Variants in SUCLG2 observed in about 807,000 individuals in gnomAD.
SUCLG2 encodes succinate--CoA ligase [GDP-forming] subunit beta, mitochondrial.
A neutral mutation model predicts 47.9 loss-of-function variants in SUCLG2; 42 were observed. The ratio of observed to expected loss-of-function variants is 0.88; its 90% confidence interval spans 0.69 to 1.14. The LOEUF (loss-of-function observed/expected upper bound fraction) is 1.14, where lower values mean the gene tolerates loss of function less well. Ranked by LOEUF, SUCLG2 falls within the 50% of genes most tolerant of loss-of-function variation. The pLI is 0.00. For missense variants in SUCLG2, 571 were observed against 525.9 expected (o/e 1.09, Z -0.84); for synonymous variants, 195 against 197.3 (o/e 0.99, Z 0.10).
chr3:67,425,794 T>A (rs1703286100), intron 9 of SUCLG2, among the ~76,000 whole-genome samples: 1 of 152,194 alleles, frequency 6.6e-6, no homozygotes, highest in Admixed American at 6.5e-5. Context: ...ATTTGTCCTG[T>A]TTGGTGAACT....
Position 67,518,280 on chromosome 3 carries a change from T to G in SUCLG2, c.627A>C (p.Glu209Asp), listed in dbSNP as rs199517072. The G allele has an allele frequency of 8.4e-5, 135 of 1,612,728 alleles. No homozygotes were observed. The highest frequency in any genetic ancestry group is 1.2e-4 in the Admixed American group (7 of 59,892). ...IKDSQAQRMA[E>D]NLGFVGPLKS... ...TCAAAGGCCCAACGAAGCCTAGATT[T>G]TCGGCCATCCGCTGAGCTTGGCTGT... Residue 209 changes from glutamate to aspartate, a missense_variant, in exon 6 of 11, where the codon GAA (glutamate) becomes GAC (aspartate). Glu to Asp is a conservative substitution (Grantham distance 45). Transcript: ENST00000307227.
chr3:67,466,078 C>G (rs1254566731), intron 9 of SUCLG2, among the ~76,000 whole-genome samples: 1 of 152,148 alleles, frequency 6.6e-6, no homozygotes, highest in East Asian at 1.9e-4. Context: ...ATTGGCCAGG[C>G]ATGGTGGCTC....
chr3:67,396,682 A>C (rs1347082450), intron 10 of SUCLG2, among the ~76,000 whole-genome samples: 1 of 152,204 alleles, frequency 6.6e-6, no homozygotes, highest in African/African-American at 2.4e-5. Flanking sequence ...TGAGGCCAGC[A>C]TCATCCTGAT....
intron 9 of SUCLG2, among the ~76,000 whole-genome samples, chr3:67,482,354 T>C (rs1704940807): frequency 6.6e-6 from 1 of 152,172 alleles, no homozygotes; most frequent in Admixed American, 6.5e-5. Flanking sequence ...TTTCACACTG[T>C]AGGATAAATT....
chr3:67,442,012 C>CTTT (rs540149754), intron 9 of SUCLG2, among the ~76,000 whole-genome samples: 11 of 140,016 alleles, frequency 7.9e-5, no homozygotes, highest in South Asian at 2.3e-4. Context: ...TACTTTCTTT[C>CTTT]TTTTTTTTTT....
intron 5 of SUCLG2, among the ~76,000 whole-genome samples, chr3:67,519,259 G>A (rs1706032027): frequency 6.6e-6 from 1 of 152,148 alleles, no homozygotes; most frequent in Non-Finnish European, 1.5e-5. Flanking sequence ...GCAATGGGAT[G>A]GTGTCCCATC....
intron 10 of SUCLG2, chr3:67,376,236 G>A (rs984979463): frequency 2.0e-6 from 2 of 985,336 alleles, no homozygotes; most frequent in Non-Finnish European, 2.4e-6. Flanking sequence ...TTTGAGAAAG[G>A]AAGTTCCGAG....
chr3:67,482,098 C>T (rs946631077), intron 9 of SUCLG2, among the ~76,000 whole-genome samples: 13 of 152,030 alleles, frequency 8.6e-5, no homozygotes, highest in African/African-American at 2.7e-4. Flanking sequence ...GAGAATCCCT[C>T]GAACCTGGGA....
At chr3:67,584,092 T>A (rs1165586094) in intron 2 of SUCLG2, among the ~76,000 whole-genome samples, 1 of 152,216 alleles carries the variant, frequency 6.6e-6, no homozygotes, top group Non-Finnish European at 1.5e-5. Flanking sequence ...ACATAAAGAC[T>A]TGGACATAAG....
intron 7 of SUCLG2, 82 bp from the exon 8 acceptor site, chr3:67,498,377 G>A (rs1414404360): frequency 4.8e-6 from 7 of 1,453,172 alleles, no homozygotes; most frequent in African/African-American, 1.4e-5. Flanking sequence ...AGGCACAAGC[G>A]AAGGGAAAGT....
chr3:67,573,779 T>C (rs1392192384), intron 2 of SUCLG2, among the ~76,000 whole-genome samples: 1 of 151,236 alleles, frequency 6.6e-6, no homozygotes, highest in Non-Finnish European at 1.5e-5. Context: ...TGTTTCCCCC[T>C]TTTTTTTTCT....
intron 9 of SUCLG2, among the ~76,000 whole-genome samples, chr3:67,401,281 T>C (rs1193788139): frequency 2.9e-4 from 44 of 152,194 alleles, no homozygotes; most frequent in Admixed American, 2.8e-3. Flanking sequence ...TCAGAAACCA[T>C]TTATTGTTTT....
intron 2 of SUCLG2, among the ~76,000 whole-genome samples, chr3:67,561,283 T>C (rs1707300948): frequency 6.6e-6 from 1 of 152,056 alleles, no homozygotes. Flanking sequence ...GAACATTAAA[T>C]ACCACATTTA....
rs998415535 is a variant in SUCLG2 at position 67,374,928 on chromosome 3, G to C, written c.*816C>G. On this transcript the variant is annotated 3_prime_UTR_variant, in exon 11 of 11. Transcript: ENST00000307227. ...AAGAGAGAAACGAGGAGAGAAGATA[G>C]TGATACTAAACACAATTTGATCTTC... The C allele has an allele frequency of 4.3e-5, 42 of 985,472 alleles. No individual in the cohort carries two copies. The African/African-American group carries it at 7.0e-4, about 16-fold the overall frequency. 61.0% of individuals were successfully genotyped at this position (985,472 alleles called of 1,614,324 possible). A position where few individuals can be genotyped will look rare whatever the true frequency, so the allele number is the denominator to read the frequency against.
At chr3:67,625,536 T>C (rs1015661475) in intron 1 of SUCLG2, among the ~76,000 whole-genome samples, 3 of 152,174 alleles carry the variant, frequency 2.0e-5, no homozygotes, top group Admixed American at 6.5e-5. Flanking sequence ...CTCTCCCTTA[T>C]TGGCCATTAC....
At chr3:67,393,856 C>T (rs1575666309) in intron 10 of SUCLG2, among the ~76,000 whole-genome samples, 1 of 152,258 alleles carries the variant, frequency 6.6e-6, no homozygotes, top group African/African-American at 2.4e-5. Flanking sequence ...GCAGCATTCG[C>T]GGTTCATGAA....
chr3:67,638,507 G>A (rs1048388494), intron 1 of SUCLG2, among the ~76,000 whole-genome samples: 1 of 152,138 alleles, frequency 6.6e-6, no homozygotes, highest in African/African-American at 2.4e-5. Flanking sequence ...CCTTACCTAG[G>A]AGCTCCATGG....
intron 7 of SUCLG2, among the ~76,000 whole-genome samples, chr3:67,505,854 C>T (rs548760540): frequency 4.6e-5 from 7 of 152,098 alleles, no homozygotes; most frequent in East Asian, 1.9e-4. Flanking sequence ...CCCAGATACT[C>T]GGGAGGCTGA....
At chr3:67,556,184 C>T (rs1364974097) in intron 2 of SUCLG2, among the ~76,000 whole-genome samples, 2 of 152,146 alleles carry the variant, frequency 1.3e-5, no homozygotes, top group Non-Finnish European at 2.9e-5. Flanking sequence ...CTAAATGTGA[C>T]ATGTGTTCCT....
Sources: gnomAD v4.1 joint callset for allele counts (sites outside exome capture counted in the v4.1 genomes callset) on GRCh38, gnomAD v4.1.1 for gene constraint, MANE v1.5 for transcripts, NCBI Gene and HGNC (gene_info 2026-07-23, HGNC 2026-07-21) for gene names.